Variants in STAG1 observed in about 807,000 individuals in gnomAD.
The protein encoded by STAG1 is cohesin subunit SA-1.
STAG1 carries 26 observed loss-of-function variants against 170.9 expected under a neutral mutation model. That is an observed-to-expected ratio of 0.15 (90% CI 0.11 to 0.21). The LOEUF (loss-of-function observed/expected upper bound fraction) is 0.21, where lower values mean the gene tolerates loss of function less well. STAG1 is among the 10% of genes least tolerant of loss of function. STAG1 has a pLI of 1.00. For synonymous variants in STAG1, 514 were observed against 497.7 expected, an observed-to-expected ratio of 1.03 and a Z score of -0.44; for missense variants, 964 against 1,509.5, an observed-to-expected ratio of 0.64 and a Z score of 5.99.
intron 1 of STAG1, among the ~76,000 whole-genome samples, chr3:136,705,388 C>A (rs1213694704): frequency 1.3e-5 from 1 of 76,890 alleles, no homozygotes; most frequent in Non-Finnish European, 3.5e-5. Context: ...AACACACACA[C>A]ACACACACAC....
At chr3:136,702,123 C>G (rs61790803) in intron 1 of STAG1, among the ~76,000 whole-genome samples, 1,694 of 53,530 alleles carry the variant, frequency 0.032, 35 homozygotes, top group African/African-American at 0.09. Context: ...GAGAGAGAGA[C>G]AGAGAGACAG....
chr3:136,378,388 G>A (rs1036272674), intron 22 of STAG1, among the ~76,000 whole-genome samples: 23 of 152,220 alleles, frequency 1.5e-4, no homozygotes, highest in African/African-American at 5.5e-4. Flanking sequence ...AGGAACATTT[G>A]AAAAGTCCAA....
chr3:136,668,633 A>C lies in STAG1; in HGVS notation c.-83-37652T>G, dbSNP rs1941889843. On this transcript the variant is annotated intron_variant, in intron 1 of 33. Transcript: ENST00000383202. Reference sequence around the variant, plus strand: ...AGGAGGAAGGAGGGGAAATCAGGAAAGGACACGGAACAGTACAGTTCTGAT... The same window carrying C: ...AGGAGGAAGGAGGGGAAATCAGGAACGGACACGGAACAGTACAGTTCTGAT... Among the ~76,000 whole-genome samples the C allele has an allele frequency of 3.9e-5, 6 of 152,146 alleles. No homozygotes were observed. In the South Asian group the frequency reaches 1.2e-3, roughly 32 times the overall value.
intron 27 of STAG1, among the ~76,000 whole-genome samples, chr3:136,358,484 G>A (rs924673292): frequency 3.9e-5 from 6 of 152,150 alleles, no homozygotes; most frequent in Non-Finnish European, 8.8e-5. Flanking sequence ...ATGGTACCAA[G>A]CTGTGTGAGT....
chr3:136,547,337 T>C (rs1333186054), intron 5 of STAG1, among the ~76,000 whole-genome samples: 1 of 152,154 alleles, frequency 6.6e-6, no homozygotes, highest in Non-Finnish European at 1.5e-5. Context: ...TTTTACCTAG[T>C]ATCATTTTTG....
chr3:136,660,365 AGAT>A (rs1442341905), intron 1 of STAG1, among the ~76,000 whole-genome samples: 3 of 152,244 alleles, frequency 2.0e-5, no homozygotes, highest in African/African-American at 7.2e-5. Flanking sequence ...TGAAGAAAAA[AGAT>A]AATAAAATTT....
intron 1 of STAG1, among the ~76,000 whole-genome samples, chr3:136,722,590 A>G (rs1026809603): frequency 1.3e-5 from 2 of 151,844 alleles, no homozygotes; most frequent in Admixed American, 6.6e-5. Flanking sequence ...TGAGGGTTCA[A>G]TTAAGATTGG....
intron 1 of STAG1, among the ~76,000 whole-genome samples, chr3:136,646,794 T>C (rs1416078693): frequency 6.6e-6 from 1 of 151,930 alleles, no homozygotes. Flanking sequence ...TAATCCCAGC[T>C]ACTCGGGAGG....
intron 26 of STAG1, among the ~76,000 whole-genome samples, chr3:136,359,670 T>C (rs942817281): frequency 1.2e-4 from 18 of 152,164 alleles, no homozygotes; most frequent in Non-Finnish European, 2.2e-4. Context: ...GCTGAGATAA[T>C]AGGCGTGTAC....
At chr3:136,576,871 T>C (rs1937481421) in intron 4 of STAG1, among the ~76,000 whole-genome samples, 1 of 152,238 alleles carries the variant, frequency 6.6e-6, no homozygotes, top group African/African-American at 2.4e-5. Context: ...TCGTATTCTA[T>C]ACTGCTGCTT....
At chr3:136,651,376 TAAAAAA>T (rs57372663) in intron 1 of STAG1, among the ~76,000 whole-genome samples, 1 of 121,992 alleles carries the variant, frequency 8.2e-6, no homozygotes, top group Non-Finnish European at 1.7e-5. Context: ...ACCAAAAATT[TAAAAAA>T]AAAAAAAAAA....
chr3:136,574,238 T>TC (rs201900795), intron 4 of STAG1, among the ~76,000 whole-genome samples: 2 of 148,926 alleles, frequency 1.3e-5, no homozygotes, highest in East Asian at 2.0e-4. Flanking sequence ...CGAAACTCTG[T>TC]CCCCCCAAAA....
intron 5 of STAG1, among the ~76,000 whole-genome samples, 174 bp from the exon 6 acceptor site, chr3:136,542,369 T>C (rs1477401302): frequency 1.3e-5 from 2 of 152,158 alleles, no homozygotes; most frequent in African/African-American, 4.8e-5. Context: ...AGGACAGTAC[T>C]CCTAAGAAGG....
rs912116054 is a variant in STAG1 at position 136,526,556 on chromosome 3, C to T, written c.472-5139G>A. ...GGTCTTGACTCTTTATCCAATTTGC[C>T]AGTCTGTGTCTTTTAATTGGAGCAT... On this transcript the variant is annotated intron_variant, in intron 6 of 33. Transcript: ENST00000383202. 7.5e-4 allele frequency among the ~76,000 whole-genome samples: 114 copies of T among 152,262 alleles called. 1 individual carries two copies. The highest frequency in any genetic ancestry group is 1.4e-3 in the Non-Finnish European group (98 of 68,018).
intron 9 of STAG1, among the ~76,000 whole-genome samples, chr3:136,493,346 A>AAAACC (rs1397154121): frequency 1.3e-5 from 2 of 152,108 alleles, no homozygotes; most frequent in East Asian, 3.9e-4. Flanking sequence ...CTGTCTCAAA[A>AAAACC]AAACCAAACC....
intron 11 of STAG1, 81 bp from the exon 12 acceptor site, chr3:136,472,573 T>C (rs2089652899): frequency 3.1e-6 from 3 of 961,132 alleles, no homozygotes; most frequent in Admixed American, 4.1e-5. Context: ...TATTCTGGGA[T>C]ATATATGCAA....
chr3:136,616,619 T>A (rs1939609041), intron 3 of STAG1, among the ~76,000 whole-genome samples: 1 of 152,074 alleles, frequency 6.6e-6, no homozygotes, highest in Non-Finnish European at 1.5e-5. Context: ...TACAGAAAAT[T>A]ATAAATAGGC....
In STAG1 at chr3:136,422,941, T is replaced by C; in HGVS notation, c.1743+11A>G. On this transcript the variant is annotated intron_variant, in intron 17 of 33. Coordinates refer to ENST00000383202, the MANE Select transcript of STAG1 (RefSeq NM_005862.3). ...CTCAGTGACATAACAAAACTGTAAATGAAACTGTACCTTTGACAGTAACAT... is the reference window on the plus strand; with the variant it reads ...CTCAGTGACATAACAAAACTGTAAACGAAACTGTACCTTTGACAGTAACAT... The C allele has an allele frequency of 1.3e-6, 2 of 1,592,968 alleles. No homozygotes were observed. The highest frequency in any genetic ancestry group is 1.7e-6 in the Non-Finnish European group (2 of 1,167,884).
At chr3:136,702,102 AG>A (rs1559960174) in intron 1 of STAG1, among the ~76,000 whole-genome samples, 1 of 101,788 alleles carries the variant, frequency 9.8e-6, no homozygotes, top group African/African-American at 5.6e-5. Context: ...AGAGAGAGAG[AG>A]AGAGAGAGAG....
Sources: gnomAD v4.1 joint callset for allele counts (sites outside exome capture counted in the v4.1 genomes callset) on GRCh38, gnomAD v4.1.1 for gene constraint, MANE v1.5 for transcripts, NCBI Gene and HGNC (gene_info 2026-07-23, HGNC 2026-07-21) for gene names.